Variants in TLR4 observed in about 807,000 individuals in gnomAD.
TLR4 encodes toll-like receptor 4.
A neutral mutation model predicts 27.4 loss-of-function variants in TLR4; 17 were observed. The observed-to-expected ratio is 0.62, with a 90% CI of 0.42 to 0.93. The LOEUF (loss-of-function observed/expected upper bound fraction) is 0.93. TLR4 is among the 40% of genes least tolerant of loss of function. TLR4 has a pLI of 0.00. For synonymous variants in TLR4, 363 were observed against 365.7 expected (o/e 0.99, Z 0.08); for missense variants, 926 against 962.3 (o/e 0.96, Z 0.50).
At chr9:117,710,449 C>A (rs1250489298) in intron 2 of TLR4, among the ~76,000 whole-genome samples, 2 of 148,914 alleles carry the variant, frequency 1.3e-5, no homozygotes, top group African/African-American at 4.9e-5. Context: ...GACCACCTCT[C>A]CCTTTTTTTT....
In TLR4 at chr9:117,713,652, G is replaced by A; in HGVS notation, c.1524G>A (p.Leu508=). Residue 508 remains leucine, a synonymous_variant, in exon 3 of 3, where the codon CTG becomes CTA. Coordinates refer to ENST00000355622, the MANE Select transcript of TLR4 (RefSeq NM_138554.5). ...LTFLDLSQCQ[L]EQLSPTAFNS... is the part of the protein sequence containing the mutation. ...TCCTGGACCTCTCTCAGTGTCAACT[G>A]GAGCAGTTGTCTCCAACAGCATTTA... The A allele has an allele frequency of 1.9e-6, 3 of 1,614,028 alleles. No homozygotes were observed. Among genetic ancestry groups the A allele is most frequent in the Non-Finnish European group, 2.5e-6 (3 of 1,180,016 alleles).
rs1436955185 is a variant in TLR4, at chr9:117,709,910, C to A, written c.260+1181C>A. On this transcript the variant is annotated intron_variant, in intron 2 of 2. Coordinates refer to ENST00000355622, the MANE Select transcript of TLR4 (RefSeq NM_138554.5). The stretch of plus-strand genomic sequence containing the variant: ...CCATGTAACCTTAGGCATATTACTT[C>A]ATCTCCCTTAATCTTAGTTTTCATA... 3.3e-5 allele frequency among the ~76,000 whole-genome samples: 5 copies of A among 152,038 alleles called. No homozygotes were observed. The East Asian group carries it at 9.6e-4, about 29-fold the overall frequency.
Position 117,719,225 on chromosome 9 carries a change from G to A in TLR4, c.*4577G>A, listed in dbSNP as rs1369029119. 1 of 150,514 alleles carries A rather than the reference G, an allele frequency of 6.6e-6. No homozygotes were observed. The highest frequency in any genetic ancestry group is 2.5e-5 in the African/African-American group (1 of 40,520). The allele number at this position is 150,514 out of a possible 1,614,324, so 9.3% of individuals were successfully genotyped here. On this transcript the variant is annotated 3_prime_UTR_variant, in exon 3 of 3. Coordinates refer to ENST00000355622, the MANE Select transcript of TLR4 (RefSeq NM_138554.5). Reference sequence around the variant, plus strand: ...TTAATTGATCAATTGTTTTATGCAAGGGCTTTATTTGTGCTATCTCAGTTT... The same window carrying A: ...TTAATTGATCAATTGTTTTATGCAAAGGCTTTATTTGTGCTATCTCAGTTT...
At chr9:117,707,253 G>T (rs911067273) in intron 1 of TLR4, among the ~76,000 whole-genome samples, 1 of 152,164 alleles carries the variant, frequency 6.6e-6, no homozygotes, top group Non-Finnish European at 1.5e-5. Flanking sequence ...GCAGACATAC[G>T]AATGAAGATC....
chr9:117,710,453 T>C (rs546741845), intron 2 of TLR4, among the ~76,000 whole-genome samples: 176 of 133,772 alleles, frequency 1.3e-3, no homozygotes, highest in South Asian at 2.2e-3. Flanking sequence ...ACCTCTCCCT[T>C]TTTTTTTTTT....
intron 1 of TLR4, chr9:117,708,004 G>A (rs1358106199): frequency 6.0e-6 from 1 of 166,426 alleles, no homozygotes; most frequent in Non-Finnish European, 1.2e-5. Flanking sequence ...ATGAAAATAT[G>A]GAACGCATCA....
Position 117,714,579 on chromosome 9 carries a change from T to G in TLR4, c.2451T>G (p.Asp817Glu), listed in dbSNP as rs763338323. The change falls in exon 3 of 3, where the codon GAT becomes GAG. Residue 817 changes from aspartate (D) to glutamate (E), a missense_variant. Coordinates refer to ENST00000355622, the MANE Select transcript of TLR4 (RefSeq NM_138554.5). ...GACGACTCAGAAAAGCCCTGCTGGA[T>G]GGTAAATCATGGAATCCAGAAGGAA... ...FWRRLRKALL[D>E]GKSWNPEGTV... 6.2e-7 allele frequency: 1 copy of G among 1,613,594 alleles called. No homozygotes were observed. The highest frequency in any genetic ancestry group is 8.5e-7 in the Non-Finnish European group (1 of 1,179,970).
intron 1 of TLR4, 86 bp downstream of exon 1, chr9:117,704,651 C>CA (rs5900307): frequency 0.052 from 42,728 of 816,650 alleles, 251 homozygotes; most frequent in East Asian, 0.13. Context: ...TTTATTTTTG[C>CA]AAAAAAAAAA....
chr9:117,713,855 T>A lies in TLR4; in HGVS notation c.1727T>A (p.Leu576His). Reference sequence around the variant, plus strand: ...CCAAGTAGTCTAGCTTTCTTAAATCTTACTCAGAATGACTTTGCTTGTACT... The same window carrying A: ...CCAAGTAGTCTAGCTTTCTTAAATCATACTCAGAATGACTTTGCTTGTACT... ...HFPSSLAFLN[L>H]TQNDFACTCE... is the part of the protein sequence containing the mutation. Residue 576 changes from leucine (L) to histidine (H), a missense_variant, in exon 3 of 3, where the codon CTT becomes CAT. Leu to His is a moderately conservative substitution (Grantham distance 99). Transcript: ENST00000355622. The A allele has an allele frequency of 6.2e-7, 1 of 1,614,048 alleles. No homozygotes were observed. Among genetic ancestry groups the A allele is most frequent in the African/African-American group, 1.3e-5 (1 of 75,054 alleles).
intron 2 of TLR4, among the ~76,000 whole-genome samples, chr9:117,709,342 A>G (rs1321878958): frequency 2.0e-5 from 3 of 152,174 alleles, no homozygotes; most frequent in Non-Finnish European, 2.9e-5. Flanking sequence ...CATGAACTGC[A>G]TAAGATTCAA....
chr9:117,709,823 T>C lies in TLR4; in HGVS notation c.260+1094T>C, dbSNP rs1352612917. The stretch of plus-strand genomic sequence containing the variant: ...ATGGAACAATTCAAAGGCAGTGGTA[T>C]AGTGCATAGAGTCCTGTTGGGGTCA... On this transcript the variant is annotated intron_variant, in intron 2 of 2. Coordinates refer to ENST00000355622, the MANE Select transcript of TLR4 (RefSeq NM_138554.5). Among the ~76,000 whole-genome samples, 3 of 152,064 alleles carry C rather than the reference T, an allele frequency of 2.0e-5. No homozygotes were observed. In the East Asian group the frequency reaches 5.8e-4, roughly 29 times the overall value.
At position 117,712,301 on chromosome 9, in the gene TLR4, G is replaced by A. The variant is rs948595203; in HGVS notation, c.261-88G>A. 8.0e-5 allele frequency: 103 copies of A among 1,295,006 alleles called. 1 individual carries two copies. Among genetic ancestry groups the A allele is most frequent in the Non-Finnish European group, 1.1e-4 (99 of 914,430 alleles). The allele number at this position is 1,295,006 out of a possible 1,614,324, so 80.2% of individuals were successfully genotyped here. On this transcript the variant is annotated intron_variant, in intron 2 of 2. Transcript: ENST00000355622. The stretch of plus-strand genomic sequence containing the variant: ...ATCATATGACCCATCACATCTGTAT[G>A]AAGAGCTGGATGACTAGGATTAATA...
rs1276880561 is a variant in TLR4, at chr9:117,720,337, G to A, written c.*5689G>A. 3 of 152,118 alleles carry A rather than the reference G, an allele frequency of 2.0e-5. No individual in the cohort carries two copies. Among genetic ancestry groups the A allele is most frequent in the Non-Finnish European group, 2.9e-5 (2 of 68,014 alleles). The allele number at this position is 152,118 out of a possible 1,614,324, so 9.4% of individuals were successfully genotyped here. ...ATGGAGAATAATTTAGACAAGGTCA[G>A]TAACTCCCATGCCATCTAGAAATTA... On this transcript the variant is annotated 3_prime_UTR_variant, in exon 3 of 3. Coordinates refer to ENST00000355622, the MANE Select transcript of TLR4 (RefSeq NM_138554.5).
chr9:117,706,499 G>A (rs1829138650), intron 1 of TLR4, among the ~76,000 whole-genome samples: 1 of 152,158 alleles, frequency 6.6e-6, no homozygotes, highest in Non-Finnish European at 1.5e-5. Context: ...AGATGTGTAA[G>A]TGATAAATGA....
chr9:117,719,672 A>C lies in TLR4; in HGVS notation c.*5024A>C, dbSNP rs1031524440. ...CCTAGGGTTGCTCTATCATGTCTAC[A>C]GTTGGTCTGACTTCCTGACGGGCAT... On this transcript the variant is annotated 3_prime_UTR_variant, in exon 3 of 3. Coordinates refer to ENST00000355622, the MANE Select transcript of TLR4 (RefSeq NM_138554.5). 6.6e-6 allele frequency: 1 copy of C among 152,082 alleles called. No homozygotes were observed. The highest frequency in any genetic ancestry group is 1.5e-5 in the Non-Finnish European group (1 of 68,018). 9.4% of individuals were successfully genotyped at this position (152,082 alleles called of 1,614,324 possible).
At position 117,712,646 on chromosome 9, in the gene TLR4, A is replaced by G; in HGVS notation, c.518A>G (p.Asn173Ser). ...QSFKLPEYFSNLTNLEHLDLS... is the reference protein window; with the variant it reads ...QSFKLPEYFSSLTNLEHLDLS... ...TTCAAATTACCTGAGTATTTTTCTAATCTGACCAATCTAGAGCACTTGGAC... is the reference window on the plus strand; with the variant it reads ...TTCAAATTACCTGAGTATTTTTCTAGTCTGACCAATCTAGAGCACTTGGAC... Residue 173 changes from asparagine (N) to serine (S), a missense_variant, in exon 3 of 3, where the codon AAT (asparagine) becomes AGT (serine). Transcript: ENST00000355622. The G allele has an allele frequency of 6.2e-7, 1 of 1,614,066 alleles. No individual in the cohort carries two copies. The highest frequency in any genetic ancestry group is 8.5e-7 in the Non-Finnish European group (1 of 1,179,980).
At chr9:117,706,571 A>G (rs568062488) in intron 1 of TLR4, among the ~76,000 whole-genome samples, 48 of 152,170 alleles carry the variant, frequency 3.2e-4, no homozygotes, top group Non-Finnish European at 6.3e-4. Flanking sequence ...CCTCTTACTT[A>G]GATTTCACCA....
rs1257319790 is a variant in TLR4, at chr9:117,723,098, G to A, written c.*8450G>A. 1 of 152,186 alleles carries A rather than the reference G, an allele frequency of 6.6e-6. No individual in the cohort carries two copies. Among genetic ancestry groups the A allele is most frequent in the Non-Finnish European group, 1.5e-5 (1 of 68,040 alleles). 9.4% of individuals were successfully genotyped at this position (152,186 alleles called of 1,614,324 possible). A position where few individuals can be genotyped will look rare whatever the true frequency, so the allele number is the denominator to read the frequency against. On this transcript the variant is annotated 3_prime_UTR_variant, in exon 3 of 3. Transcript: ENST00000355622. The stretch of plus-strand genomic sequence containing the variant: ...GGCCAGCTCTCTGACATTCTAGCAT[G>A]TTCACATCTCCAGGGCTGTTTCCTT...
At position 117,708,542 on chromosome 9, in the gene TLR4, T is replaced by G. The variant is rs146471625; in HGVS notation, c.94-21T>G. 492 of 1,613,540 alleles carry G rather than the reference T, an allele frequency of 3.0e-4. 1 individual carries two copies. In the African/African-American group the frequency reaches 5.7e-3, roughly 19 times the overall value. On this transcript the variant is annotated intron_variant, in intron 1 of 2. Coordinates refer to ENST00000355622, the MANE Select transcript of TLR4 (RefSeq NM_138554.5). ...GAGACCATGCAGTAAAGATACTTCA[T>G]GTCATGTGTAATCATTGCAGGTGGT...
Sources: allele counts gnomAD v4.1 joint callset (sites outside exome capture counted in the v4.1 genomes callset), GRCh38; gene constraint gnomAD v4.1.1; transcripts MANE v1.5; gene names NCBI Gene and HGNC (gene_info 2026-07-23, HGNC 2026-07-21).